Variants in TANC2 observed in about 807,000 individuals in gnomAD.
The protein encoded by TANC2 is protein TANC2.
TANC2 carries 26 observed loss-of-function variants against 210.5 expected under a neutral mutation model. That is an observed-to-expected ratio of 0.12 (90% CI 0.09 to 0.17). TANC2 has a LOEUF of 0.17. Ranked by LOEUF, TANC2 falls within the 10% of genes least tolerant of loss-of-function variation. The pLI, the probability that TANC2 is intolerant of heterozygous loss-of-function variation, is 1.00. For missense variants in TANC2, 2,129 were observed against 2,608.9 expected (o/e 0.82, Z 4.01); for synonymous variants, 931 against 967.1 (o/e 0.96, Z 0.69).
intron 11 of TANC2, among the ~76,000 whole-genome samples, chr17:63,321,611 TCTGA>T (rs1299396843): frequency 6.6e-6 from 1 of 152,170 alleles, no homozygotes; most frequent in African/African-American, 2.4e-5. Flanking sequence ...CCTCCAGTCT[TCTGA>T]CTGGAGAGTA....
At chr17:62,977,968 CAT>C (rs1376107979) in intron 1 of TANC2, among the ~76,000 whole-genome samples, 5 of 152,068 alleles carry the variant, frequency 3.3e-5, no homozygotes, top group African/African-American at 9.7e-5. Context: ...TGCTTAGTAA[CAT>C]GTATTACTCA....
At position 63,287,691 on chromosome 17, in the gene TANC2, T is replaced by A. The variant is rs569283633; in HGVS notation, c.1159+19818T>A. On this transcript the variant is annotated intron_variant, in intron 9 of 27. Transcript: ENST00000689528. The stretch of plus-strand genomic sequence containing the variant: ...CTACTGAATGTCCTGTATATATTTT[T>A]TTTTTTTTTGAGGAGTCTCTGTCAC... Among the ~76,000 whole-genome samples the A allele has an allele frequency of 4.2e-3, 633 of 152,078 alleles. 2 individuals are homozygous for A. Among genetic ancestry groups the A allele is most frequent in the Non-Finnish European group, 7.5e-3 (513 of 67,948 alleles).
chr17:63,257,113 C>T (rs1394597136), intron 8 of TANC2, among the ~76,000 whole-genome samples: 2 of 143,682 alleles, frequency 1.4e-5, no homozygotes, highest in Non-Finnish European at 3.0e-5. Context: ...CACGCTGTGT[C>T]TTTTGATTGC....
At chr17:63,316,803 T>A (rs1187892200) in intron 10 of TANC2, among the ~76,000 whole-genome samples, 1 of 152,192 alleles carries the variant, frequency 6.6e-6, no homozygotes, top group Non-Finnish European at 1.5e-5. Flanking sequence ...GTGACTGATA[T>A]AATGCAAGCT....
intron 8 of TANC2, among the ~76,000 whole-genome samples, chr17:63,251,569 G>A (rs2043054128): frequency 6.6e-6 from 1 of 152,070 alleles, no homozygotes; most frequent in South Asian, 2.1e-4. Context: ...TAGGGACAAT[G>A]ATTAATAAGA....
intron 9 of TANC2, among the ~76,000 whole-genome samples, chr17:63,298,731 C>T (rs1286879839): frequency 6.6e-6 from 1 of 152,116 alleles, no homozygotes; most frequent in Non-Finnish European, 1.5e-5. Context: ...TAAAAACCTA[C>T]AATCATGAGA....
Position 63,128,536 on chromosome 17 carries a change from T to A in TANC2, c.323-22734T>A, listed in dbSNP as rs145080219. 2.2e-3 allele frequency among the ~76,000 whole-genome samples: 328 copies of A among 152,346 alleles called. 1 individual carries two copies. Among genetic ancestry groups the A allele is most frequent in the African/African-American group, 7.4e-3 (309 of 41,580 alleles). The stretch of plus-strand genomic sequence containing the variant: ...CAAAAAAGAAAAGTTGGAATTCATA[T>A]TCAAACAAAAGGCCTTGGCCTTACA... On this transcript the variant is annotated intron_variant, in intron 4 of 27. Coordinates refer to ENST00000689528, the Ensembl canonical transcript of TANC2.
intron 7 of TANC2, among the ~76,000 whole-genome samples, chr17:63,235,294 C>G (rs183707309): frequency 6.6e-6 from 1 of 152,176 alleles, no homozygotes; most frequent in African/African-American, 2.4e-5. Context: ...TGTTAGCTGT[C>G]TTTCCAAAAT....
chr17:63,173,389 T>C (rs971479072), intron 5 of TANC2, among the ~76,000 whole-genome samples: 1 of 152,186 alleles, frequency 6.6e-6, no homozygotes. Context: ...ACAGTAACCC[T>C]TGTAACAATC....
intron 5 of TANC2, among the ~76,000 whole-genome samples, chr17:63,167,439 GTTATT>G (rs1165474762): frequency 2.6e-5 from 4 of 152,064 alleles, no homozygotes; most frequent in African/African-American, 7.2e-5. Flanking sequence ...TACAGTGAAT[GTTATT>G]TTCTTTTGTT....
chr17:63,087,712 G>A (rs370543496), intron 3 of TANC2, among the ~76,000 whole-genome samples: 8 of 152,162 alleles, frequency 5.3e-5, no homozygotes, highest in African/African-American at 1.9e-4. Context: ...CTGAAACTGG[G>A]TCCCCTCAGA....
At chr17:63,378,529 C>T (rs1381288450) in intron 14 of TANC2, among the ~76,000 whole-genome samples, 1 of 152,158 alleles carries the variant, frequency 6.6e-6, no homozygotes, top group African/African-American at 2.4e-5. Context: ...TAGCCTAGCC[C>T]TCCTGTTGAC....
rs187921754 is a variant in TANC2 at position 62,999,500 on chromosome 17, C to G, written c.-23-10037C>G. On this transcript the variant is annotated intron_variant, in intron 1 of 27. Coordinates refer to ENST00000689528, the Ensembl canonical transcript of TANC2. ...GATTCAGTTCAACAGGAAGACCTAACTATTTTAAACGTATGTGCACCCAAC... is the reference window on the plus strand; with the variant it reads ...GATTCAGTTCAACAGGAAGACCTAAGTATTTTAAACGTATGTGCACCCAAC... Among the ~76,000 whole-genome samples, 178 of 152,248 alleles carry G rather than the reference C, an allele frequency of 1.2e-3. 1 individual carries two copies. Among genetic ancestry groups the G allele is most frequent in the African/African-American group, 4.1e-3 (171 of 41,542 alleles).
chr17:63,358,017 A>G (rs1486625710), intron 14 of TANC2, among the ~76,000 whole-genome samples: 2 of 152,194 alleles, frequency 1.3e-5, no homozygotes, highest in East Asian at 1.9e-4. Context: ...AGGCAACACA[A>G]CATTCTTACC....
At chr17:63,243,371 T>C (rs1475500178) in intron 8 of TANC2, among the ~76,000 whole-genome samples, 1 of 152,204 alleles carries the variant, frequency 6.6e-6, no homozygotes, top group African/African-American at 2.4e-5. Context: ...AGAATGTCCA[T>C]GAGAAATGAG....
At chr17:63,008,704 C>T (rs1358303690) in intron 1 of TANC2, among the ~76,000 whole-genome samples, 1 of 152,122 alleles carries the variant, frequency 6.6e-6, no homozygotes. Context: ...TAATCCAAAG[C>T]AGTCAGAGAG....
intron 2 of TANC2, among the ~76,000 whole-genome samples, chr17:63,055,992 T>A (rs1357543629): frequency 0.025 from 269 of 10,642 alleles, 1 homozygote; most frequent in African/African-American, 0.049. Flanking sequence ...AAAAAAAAAA[T>A]ATATATATAT....
intron 16 of TANC2, 94 bp from the exon 17 acceptor site, chr17:63,389,214 C>T: frequency 1.1e-6 from 1 of 912,668 alleles, no homozygotes. Context: ...TGCTACTAGA[C>T]ACTGTTGTAG....
At chr17:63,319,263 G>C (rs1197635217) in intron 11 of TANC2, among the ~76,000 whole-genome samples, 173 bp downstream of exon 11, 2 of 152,146 alleles carry the variant, frequency 1.3e-5, no homozygotes, top group African/African-American at 4.8e-5. Context: ...ATTGTGATGG[G>C]ATCAGAACCT....
Sources: gnomAD v4.1 joint callset for allele counts (sites outside exome capture counted in the v4.1 genomes callset) on GRCh38, gnomAD v4.1.1 for gene constraint, MANE v1.5 for transcripts, NCBI Gene and HGNC (gene_info 2026-07-23, HGNC 2026-07-21) for gene names.